The following IQGAP2 variants were observed in gnomAD, a reference collection of about 807,000 sequenced individuals.
IQGAP2 encodes the protein ras GTPase-activating-like protein IQGAP2.
Under a neutral mutation model 201.3 loss-of-function variants are expected in IQGAP2, and 173 were observed. That is an observed-to-expected ratio of 0.86 (90% CI 0.76 to 0.98). The LOEUF (loss-of-function observed/expected upper bound fraction) is 0.98. Among genes scored for constraint, IQGAP2 ranks in the 50% least tolerant of loss-of-function variants. The probability of loss-of-function intolerance (pLI) is 0.00; values close to 1 mark genes in which losing one functional copy is unlikely to be tolerated. For synonymous variants in IQGAP2, 675 were observed against 673.9 expected, an observed-to-expected ratio of 1.00 and a Z score of -0.03; for missense variants, 1,687 against 1,864.8, an observed-to-expected ratio of 0.90 and a Z score of 1.76.
intron 1 of IQGAP2, among the ~76,000 whole-genome samples, chr5:76,426,695 G>A (rs4563602): frequency 0.18 from 27,269 of 152,102 alleles, 5,099 homozygotes; most frequent in African/African-American, 0.47. Context: ...CACGAAGGGC[G>A]CTGGACGAGA....
At position 76,600,901 on chromosome 5, in the gene IQGAP2, T is replaced by C. The variant is rs745729562; in HGVS notation, c.1161T>C (p.Leu387=). The change falls in exon 11 of 36, where the codon CTT becomes CTC. Residue 387 remains leucine, a synonymous_variant. Coordinates refer to ENST00000274364, the MANE Select transcript of IQGAP2 (RefSeq NM_006633.5). ...LLNQALESND[L]VSVQNQLRSP... ...ACCAGGCCTTGGAAAGCAACGATCT[T>C]GTGTCTGTGCAGAATCAACTCAGAA... 1 of 1,614,148 alleles carries C rather than the reference T, an allele frequency of 6.2e-7. No homozygotes were observed. Among genetic ancestry groups the C allele is most frequent in the Non-Finnish European group, 8.5e-7 (1 of 1,180,000 alleles).
chr5:76,680,415 C>T (rs2150507100), intron 28 of IQGAP2, among the ~76,000 whole-genome samples: 1 of 152,172 alleles, frequency 6.6e-6, no homozygotes, highest in African/African-American at 2.4e-5. Context: ...ATCTTTGTGA[C>T]CTTGGATTAG....
At position 76,539,769 on chromosome 5, in the gene IQGAP2, G is replaced by A. The variant is rs76507109; in HGVS notation, c.147-22627G>A. On this transcript the variant is annotated intron_variant, in intron 2 of 35. Coordinates refer to ENST00000274364, the MANE Select transcript of IQGAP2 (RefSeq NM_006633.5). Reference sequence around the variant, plus strand: ...TGACCCTACTTGTTTATGGCTTTCTGAGTAGGGTACTTAGCCCTGTTGTGC... The same window carrying A: ...TGACCCTACTTGTTTATGGCTTTCTAAGTAGGGTACTTAGCCCTGTTGTGC... 3.0e-3 allele frequency among the ~76,000 whole-genome samples: 451 copies of A among 152,318 alleles called. 5 individuals carry two copies. The highest frequency in any genetic ancestry group is 0.01 in the African/African-American group (427 of 41,572).
At chr5:76,536,769 A>G (rs1759648932) in intron 2 of IQGAP2, among the ~76,000 whole-genome samples, 1 of 152,136 alleles carries the variant, frequency 6.6e-6, no homozygotes, top group Non-Finnish European at 1.5e-5. Context: ...TCCAAAAAAA[A>G]AAAAAAAAAT....
intron 2 of IQGAP2, among the ~76,000 whole-genome samples, chr5:76,550,881 G>A (rs951521144): frequency 6.6e-6 from 1 of 152,300 alleles, no homozygotes; most frequent in East Asian, 1.9e-4. Context: ...CCTCCTAGAC[G>A]GGGTGGCGGC....
intron 2 of IQGAP2, among the ~76,000 whole-genome samples, chr5:76,557,903 T>C (rs1209412878): frequency 6.6e-6 from 1 of 152,124 alleles, no homozygotes; most frequent in Non-Finnish European, 1.5e-5. Context: ...GCCTCTCAGA[T>C]TCAAGCGATT....
intron 12 of IQGAP2, among the ~76,000 whole-genome samples, chr5:76,608,625 G>T (rs936511408): frequency 6.6e-6 from 1 of 152,168 alleles, no homozygotes; most frequent in African/African-American, 2.4e-5. Flanking sequence ...TCTGAGTTGT[G>T]ATGTGGGTGA....
intron 21 of IQGAP2, among the ~76,000 whole-genome samples, chr5:76,658,932 C>T (rs938153805): frequency 6.6e-6 from 1 of 152,054 alleles, no homozygotes; most frequent in East Asian, 1.9e-4. Context: ...AATTGTAACA[C>T]AATTGTAAGT....
intron 1 of IQGAP2, among the ~76,000 whole-genome samples, chr5:76,444,990 T>G (rs185894371): frequency 1.5e-3 from 230 of 152,326 alleles, no homozygotes; most frequent in African/African-American, 5.4e-3. Flanking sequence ...AATTTGAAAC[T>G]CTTTGGTTCT....
chr5:76,474,424 C>T (rs911406907), intron 2 of IQGAP2, among the ~76,000 whole-genome samples: 1 of 152,194 alleles, frequency 6.6e-6, no homozygotes. Context: ...ATTAGCCATT[C>T]ATATGTTCTT....
At chr5:76,411,496 G>A (rs1352060584) in intron 1 of IQGAP2, among the ~76,000 whole-genome samples, 1 of 152,190 alleles carries the variant, frequency 6.6e-6, no homozygotes, top group African/African-American at 2.4e-5. Flanking sequence ...CAGTAGTGTT[G>A]GGAGGTGGAG....
intron 33 of IQGAP2, among the ~76,000 whole-genome samples, chr5:76,698,577 T>C (rs947313243): frequency 6.6e-6 from 1 of 152,198 alleles, no homozygotes; most frequent in Non-Finnish European, 1.5e-5. Context: ...AATTGCTTCA[T>C]GGTTTTAAAA....
At chr5:76,598,524 T>C (rs1355201595) in intron 10 of IQGAP2, among the ~76,000 whole-genome samples, 2 of 152,186 alleles carry the variant, frequency 1.3e-5, no homozygotes, top group Non-Finnish European at 2.9e-5. Context: ...AGTACACTTA[T>C]GATTTAAAAT....
At chr5:76,421,393 C>T (rs555361767) in intron 1 of IQGAP2, among the ~76,000 whole-genome samples, 8 of 152,104 alleles carry the variant, frequency 5.3e-5, no homozygotes, top group South Asian at 2.1e-4. Flanking sequence ...GCAGGAGGAT[C>T]GCTTGAGGCC....
chr5:76,571,513 C>T (rs1745116590), intron 4 of IQGAP2, among the ~76,000 whole-genome samples: 1 of 152,104 alleles, frequency 6.6e-6, no homozygotes, highest in Non-Finnish European at 1.5e-5. Context: ...ATCATAATAT[C>T]ACTTGTAAAG....
intron 2 of IQGAP2, among the ~76,000 whole-genome samples, chr5:76,557,369 G>A (rs996904340): frequency 6.6e-6 from 1 of 152,166 alleles, no homozygotes; most frequent in African/African-American, 2.4e-5. Context: ...GGGTCATCAT[G>A]AGAAGATTCC....
intron 2 of IQGAP2, among the ~76,000 whole-genome samples, chr5:76,528,241 C>G (rs557993747): frequency 1.4e-4 from 22 of 152,336 alleles, no homozygotes; most frequent in African/African-American, 5.1e-4. Flanking sequence ...TTGTATCCCT[C>G]TCTCACTGTC....
At chr5:76,550,807 C>G (rs1436461896) in intron 2 of IQGAP2, among the ~76,000 whole-genome samples, 2 of 152,242 alleles carry the variant, frequency 1.3e-5, no homozygotes, top group African/African-American at 4.8e-5. Flanking sequence ...CACATTTCCC[C>G]CTTTTCTATT....
Position 76,617,610 on chromosome 5 carries a change from T to C in IQGAP2, c.1521+6427T>C. On this transcript the variant is annotated intron_variant, in intron 13 of 35. Coordinates refer to ENST00000274364, the MANE Select transcript of IQGAP2 (RefSeq NM_006633.5). ...TTTTGTAAGGTAAGCAGTGGAGTGA[T>C]TTCTGGTTTTTGACATGAGAAAATA... 1 of 1,613,404 alleles carries C rather than the reference T, an allele frequency of 6.2e-7. No homozygotes were observed. Among genetic ancestry groups the C allele is most frequent in the South Asian group, 1.1e-5 (1 of 91,022 alleles).
Sources: gnomAD v4.1 joint callset for allele counts (sites outside exome capture counted in the v4.1 genomes callset) on GRCh38, gnomAD v4.1.1 for gene constraint, MANE v1.5 for transcripts, NCBI Gene and HGNC (gene_info 2026-07-23, HGNC 2026-07-21) for gene names.